FBN1: variants seen among roughly 807,000 people sequenced by gnomAD.
FBN1 encodes fibrillin-1.
A neutral mutation model predicts 365.1 loss-of-function variants in FBN1; 29 were observed. That is an observed-to-expected ratio of 0.08 (90% CI 0.06 to 0.11). The LOEUF is 0.11. FBN1 is among the 10% of genes least tolerant of loss of function. The pLI is 1.00. For synonymous variants in FBN1, 1,210 were observed against 1,270.5 expected (o/e 0.95, Z 1.01); for missense variants, 2,476 against 3,703.2 (o/e 0.67, Z 8.60).
At chr15:48,512,644 C>A (rs7166460) in intron 13 of FBN1, among the ~76,000 whole-genome samples, 23,793 of 152,120 alleles carry the variant, frequency 0.16, 2,000 homozygotes, top group East Asian at 0.36. Context: ...GTCCCTGCAA[C>A]GGACATGATC....
intron 6 of FBN1, among the ~76,000 whole-genome samples, chr15:48,580,824 A>C (rs1286170074): frequency 6.6e-6 from 1 of 152,218 alleles, no homozygotes; most frequent in Non-Finnish European, 1.5e-5. Flanking sequence ...TACAGTTACT[A>C]TTCTATCCTA....
At chr15:48,524,533 C>A (rs1399312055) in intron 9 of FBN1, among the ~76,000 whole-genome samples, 1 of 152,134 alleles carries the variant, frequency 6.6e-6, no homozygotes, top group Non-Finnish European at 1.5e-5. Flanking sequence ...TCACTTGGAT[C>A]ATTTTGTATG....
chr15:48,479,268 G>A (rs1229068032), intron 32 of FBN1, among the ~76,000 whole-genome samples: 1 of 152,188 alleles, frequency 6.6e-6, no homozygotes, highest in Non-Finnish European at 1.5e-5. Context: ...ACGTTTTCAA[G>A]TATACCAAAC....
At chr15:48,615,100 T>C (rs561849724) in intron 2 of FBN1, among the ~76,000 whole-genome samples, 1 of 152,212 alleles carries the variant, frequency 6.6e-6, no homozygotes, top group Admixed American at 6.5e-5. Context: ...ACTTTTATTA[T>C]AAAAGTTCTC....
intron 40 of FBN1, 31 bp downstream of exon 40, chr15:48,465,537 A>G: frequency 6.2e-7 from 1 of 1,613,570 alleles, no homozygotes; most frequent in South Asian, 1.1e-5. Flanking sequence ...TGATATCTGC[A>G]AGACCTTATC....
intron 6 of FBN1, among the ~76,000 whole-genome samples, chr15:48,550,577 A>C (rs1020108991): frequency 1.3e-4 from 20 of 152,006 alleles, no homozygotes; most frequent in African/African-American, 4.4e-4. Flanking sequence ...TAGACCCTAA[A>C]ACGCTCTGTG....
rs1407193739 is a variant in FBN1, at chr15:48,410,738, C to T, written c.*252G>A. 1.5e-5 allele frequency: 7 copies of T among 466,902 alleles called. No individual in the cohort carries two copies. In the East Asian group the frequency reaches 2.6e-4, roughly 18 times the overall value. The allele number at this position is 466,902 out of a possible 1,614,324, so 28.9% of individuals were successfully genotyped here. On this transcript the variant is annotated 3_prime_UTR_variant, in exon 66 of 66. Coordinates refer to ENST00000316623, the MANE Select transcript of FBN1 (RefSeq NM_000138.5). ...GCCAACCCCCAATGGAAATACACGTCCCAGTTTTCAAGAATCAACACATAT... is the reference window on the plus strand; with the variant it reads ...GCCAACCCCCAATGGAAATACACGTTCCAGTTTTCAAGAATCAACACATAT...
At chr15:48,567,420 G>T (rs1222220440) in intron 6 of FBN1, among the ~76,000 whole-genome samples, 3 of 151,962 alleles carry the variant, frequency 2.0e-5, no homozygotes, top group Non-Finnish European at 4.4e-5. Context: ...CCCCCTAACT[G>T]AGACCAGTTT....
intron 53 of FBN1, among the ~76,000 whole-genome samples, chr15:48,435,774 G>GTA (rs1566895695): frequency 1.4e-4 from 5 of 35,900 alleles, no homozygotes; most frequent in African/African-American, 3.0e-4. Context: ...ATGTGTATAT[G>GTA]TGTGTGTGTG....
rs757311023 is a variant in FBN1, at chr15:48,520,637, A to C, written c.1147+22T>G. 21 of 1,613,394 alleles carry C rather than the reference A, an allele frequency of 1.3e-5. No homozygotes were observed. The Admixed American group carries it at 1.8e-4, about 14-fold the overall frequency. ...TGAGGGCTGGGATGGGATATTCTGC[A>C]GATAACTGGAAGGGCTCTTACCGGT... On this transcript the variant is annotated intron_variant, in intron 10 of 65. Transcript: ENST00000316623.
At chr15:48,425,650 A>G (rs1201622773) in intron 59 of FBN1, 89 bp downstream of exon 59, 1 of 1,559,172 alleles carries the variant, frequency 6.4e-7, no homozygotes, top group African/African-American at 1.4e-5. Flanking sequence ...GAAACTGCAC[A>G]GACTTTTTAG....
At chr15:48,592,989 G>C (rs2044490091) in intron 6 of FBN1, among the ~76,000 whole-genome samples, 1 of 152,192 alleles carries the variant, frequency 6.6e-6, no homozygotes, top group African/African-American at 2.4e-5. Context: ...GCCCACTGGG[G>C]ATGAGGCTGG....
At chr15:48,562,950 G>GT (rs1270136908) in intron 6 of FBN1, among the ~76,000 whole-genome samples, 1 of 152,138 alleles carries the variant, frequency 6.6e-6, no homozygotes, top group Non-Finnish European at 1.5e-5. Flanking sequence ...AAAAGAAGAT[G>GT]TTTTTATCTA....
At chr15:48,494,992 A>G in intron 22 of FBN1, 131 bp downstream of exon 22, 1 of 1,004,214 alleles carries the variant, frequency 1.0e-6, no homozygotes, top group South Asian at 1.4e-5. Context: ...ATTCAGCAAT[A>G]TGTTCGGGGC....
chr15:48,459,130 T>C (rs949425782), intron 43 of FBN1, among the ~76,000 whole-genome samples: 2 of 152,240 alleles, frequency 1.3e-5, no homozygotes, highest in African/African-American at 4.8e-5. Context: ...AACGCTAATG[T>C]TCTTTCTAGT....
Position 48,513,593 on chromosome 15 carries a change from C to T in FBN1, c.1544G>A (p.Cys515Tyr). 6.2e-7 allele frequency: 1 copy of T among 1,614,004 alleles called. No homozygotes were observed. The highest frequency in any genetic ancestry group is 8.5e-7 in the Non-Finnish European group (1 of 1,179,946). The change falls in exon 13 of 66, where the codon TGC (cysteine) becomes TAC (tyrosine). Residue 515 changes from cysteine (C) to tyrosine (Y), a missense_variant. Cys to Tyr is a radical substitution (Grantham distance 194). Coordinates refer to ENST00000316623, the MANE Select transcript of FBN1 (RefSeq NM_000138.5). Reference protein sequence around the residue: ...INNQGSYTCQCRAGYQSTLTR... With the variant: ...INNQGSYTCQYRAGYQSTLTR... ...GAGTGTGCTCTGATATCCAGCTCGG[C>T]ACTGACAGGTGTACGAACCCTGGTT...
At chr15:48,518,177 T>A (rs2043820102) in intron 10 of FBN1, among the ~76,000 whole-genome samples, 1 of 152,226 alleles carries the variant, frequency 6.6e-6, no homozygotes, top group African/African-American at 2.4e-5. Flanking sequence ...TGACTCAAGA[T>A]GTCTCAATCC....
chr15:48,412,873 G>C, intron 64 of FBN1, 130 bp from the exon 65 acceptor site: 1 of 1,085,736 alleles, frequency 9.2e-7, no homozygotes, highest in Non-Finnish European at 1.4e-6. Flanking sequence ...TGGAGGATCA[G>C]CTAGTTCTGA....
chr15:48,588,949 T>C (rs1476081134), intron 6 of FBN1, among the ~76,000 whole-genome samples: 1 of 152,232 alleles, frequency 6.6e-6, no homozygotes, highest in East Asian at 1.9e-4. Flanking sequence ...TCTGGCCAGA[T>C]GCTTGGACAA....
Sources: gnomAD v4.1 joint callset for allele counts (sites outside exome capture counted in the v4.1 genomes callset) on GRCh38, gnomAD v4.1.1 for gene constraint, MANE v1.5 for transcripts, NCBI Gene and HGNC (gene_info 2026-07-23, HGNC 2026-07-21) for gene names.